The following ABHD17B variants were observed in gnomAD, a reference collection of about 807,000 sequenced individuals.
ABHD17B encodes the protein abhydrolase domain containing 17B, depalmitoylase, also known as alpha/beta hydrolase domain-containing protein 17B.
A neutral mutation model predicts 26.2 loss-of-function variants in ABHD17B; 9 were observed. That is an observed-to-expected ratio of 0.34 (90% CI 0.21 to 0.60). The LOEUF (loss-of-function observed/expected upper bound fraction) is 0.60. ABHD17B is among the 20% of genes least tolerant of loss of function. ABHD17B has a pLI of 0.80. For missense variants in ABHD17B, 224 were observed against 352.1 expected (o/e 0.64, Z 2.91); for synonymous variants, 127 against 122.3 (o/e 1.04, Z -0.25).
Position 71,909,801 on chromosome 9 carries a change from T to C in ABHD17B, c.-4+833A>G, listed in dbSNP as rs372670680. On this transcript the variant is annotated intron_variant, in intron 1 of 3. Coordinates refer to ENST00000333421, the MANE Select transcript of ABHD17B (RefSeq NM_001025780.3). ...CTTACCAAATCTACTTCACACTGAC[T>C]TAAAGCATCATTTACAAAAAATTCT... Among the ~76,000 whole-genome samples, 12 of 152,172 alleles carry C rather than the reference T, an allele frequency of 7.9e-5. No homozygotes were observed. The East Asian group carries it at 2.3e-3, about 29-fold the overall frequency.
chr9:71,890,259 C>CA (rs1826743532), intron 1 of ABHD17B, among the ~76,000 whole-genome samples: 1 of 152,116 alleles, frequency 6.6e-6, no homozygotes, highest in Non-Finnish European at 1.5e-5. Flanking sequence ...CACAGCATTC[C>CA]AGCCTGGGTG....
At chr9:71,880,213 T>C (rs1826399098) in intron 1 of ABHD17B, among the ~76,000 whole-genome samples, 1 of 152,188 alleles carries the variant, frequency 6.6e-6, no homozygotes, top group Admixed American at 6.5e-5. Context: ...ATACTTTCAT[T>C]AAGTGAAGTT....
chr9:71,865,338 C>G lies in ABHD17B; in HGVS notation c.*1449G>C. 6.1e-6 allele frequency: 6 copies of G among 984,136 alleles called. No homozygotes were observed. The highest frequency in any genetic ancestry group is 7.2e-6 in the Non-Finnish European group (6 of 828,414). The allele number at this position is 984,136 out of a possible 1,614,324, so 61.0% of individuals were successfully genotyped here. A position where few individuals can be genotyped will look rare whatever the true frequency, so the allele number is the denominator to read the frequency against. On this transcript the variant is annotated 3_prime_UTR_variant, in exon 4 of 4. Coordinates refer to ENST00000333421, the MANE Select transcript of ABHD17B (RefSeq NM_001025780.3). ...AGTGTGTATTATTTCCATATTCATT[C>G]ATTTACAAATTAGACTACATACCAT...
chr9:71,894,410 A>G (rs1826895603), intron 1 of ABHD17B, among the ~76,000 whole-genome samples: 1 of 152,076 alleles, frequency 6.6e-6, no homozygotes, highest in African/African-American at 2.4e-5. Context: ...CAGTGGCACC[A>G]TTTGGGCTCA....
At chr9:71,898,120 A>C (rs545719082) in intron 1 of ABHD17B, among the ~76,000 whole-genome samples, 51 of 152,284 alleles carry the variant, frequency 3.3e-4, no homozygotes, top group Non-Finnish European at 5.9e-4. Context: ...GGGTCTTTTC[A>C]TCCAATAAAA....
intron 1 of ABHD17B, among the ~76,000 whole-genome samples, chr9:71,905,920 G>T (rs1208339693): frequency 6.6e-6 from 1 of 152,118 alleles, no homozygotes; most frequent in Non-Finnish European, 1.5e-5. Context: ...GGTGGTGCAT[G>T]CCTGTAGTCC....
chr9:71,872,816 T>C (rs1389928308), intron 2 of ABHD17B, among the ~76,000 whole-genome samples: 3 of 152,110 alleles, frequency 2.0e-5, no homozygotes, highest in African/African-American at 7.2e-5. Flanking sequence ...ATTTATCAAT[T>C]AAACAATAAC....
rs773783520 is a variant in ABHD17B, at chr9:71,867,025, G to A, written c.648-19C>T. On this transcript the variant is annotated intron_variant, in intron 3 of 3. Transcript: ENST00000333421. ...GTCAATGCTGCAGGGAAAAAGGAAG[G>A]GGGAAAAATGCAATAAATTAACTAT... The A allele has an allele frequency of 6.8e-6, 11 of 1,611,274 alleles. No individual in the cohort carries two copies. Among genetic ancestry groups the A allele is most frequent in the Middle Eastern group, 3.3e-4 (2 of 6,076 alleles).
At position 71,910,807 on chromosome 9, in the gene ABHD17B, G is replaced by C. The variant is rs925091601; in HGVS notation, c.-177C>G. On this transcript the variant is annotated 5_prime_UTR_variant, in exon 1 of 4. Transcript: ENST00000333421. Reference sequence around the variant, plus strand: ...GACCAGGGCTACAGCCCCCGGCGCCGGGGCGAAGAAGGACGGCGGCGCCCC... The same window carrying C: ...GACCAGGGCTACAGCCCCCGGCGCCCGGGCGAAGAAGGACGGCGGCGCCCC... 7.2e-5 allele frequency: 11 copies of C among 151,796 alleles called. No individual in the cohort carries two copies. Among genetic ancestry groups the C allele is most frequent in the African/African-American group, 2.4e-4 (10 of 41,354 alleles). 9.4% of individuals were successfully genotyped at this position (151,796 alleles called of 1,614,324 possible).
downstream of ABHD17B, among the ~76,000 whole-genome samples, chr9:71,863,564 G>T (rs542063923): frequency 6.6e-6 from 1 of 152,242 alleles, no homozygotes; most frequent in South Asian, 2.1e-4. Context: ...CATCTAGTTC[G>T]ACTTTTCATT....
At chr9:71,877,274 T>C (rs1460107762) in intron 1 of ABHD17B, among the ~76,000 whole-genome samples, 4 of 152,240 alleles carry the variant, frequency 2.6e-5, no homozygotes, top group Admixed American at 6.5e-5. Context: ...GCTGTCTGTT[T>C]AATATCTGTC....
At chr9:71,893,155 A>G (rs1826844080) in intron 1 of ABHD17B, among the ~76,000 whole-genome samples, 1 of 152,324 alleles carries the variant, frequency 6.6e-6, no homozygotes. Context: ...TCACACCACA[A>G]CAATCACCAG....
intron 2 of ABHD17B, among the ~76,000 whole-genome samples, chr9:71,872,429 G>GA (rs1251533050): frequency 6.6e-6 from 1 of 151,714 alleles, no homozygotes; most frequent in Non-Finnish European, 1.5e-5. Flanking sequence ...GAAAAGAAAA[G>GA]AAAAAAACAG....
intron 1 of ABHD17B, among the ~76,000 whole-genome samples, chr9:71,898,740 G>A (rs1031198225): frequency 3.9e-5 from 6 of 152,174 alleles, no homozygotes; most frequent in African/African-American, 1.4e-4. Flanking sequence ...GCTCCCACCT[G>A]CAATCCCAGC....
chr9:71,888,378 CCTCAAA>C (rs906945434), intron 1 of ABHD17B, among the ~76,000 whole-genome samples: 2 of 152,174 alleles, frequency 1.3e-5, no homozygotes, highest in African/African-American at 2.4e-5. Flanking sequence ...TCATGCTTAT[CCTCAAA>C]CTCAAAGTTC....
At chr9:71,881,272 C>T (rs1017557901) in intron 1 of ABHD17B, among the ~76,000 whole-genome samples, 4 of 152,092 alleles carry the variant, frequency 2.6e-5, no homozygotes, top group African/African-American at 7.2e-5. Context: ...GGTGCTAGGG[C>T]AACATAATAT....
chr9:71,862,644 A>C (rs200993765), downstream of ABHD17B: 2 of 910,970 alleles, frequency 2.2e-6, no homozygotes, highest in Middle Eastern at 2.2e-4. Context: ...TCATCTCTGC[A>C]GTTTTCATAA....
chr9:71,883,982 A>C (rs1385310643), intron 1 of ABHD17B, among the ~76,000 whole-genome samples: 1 of 151,954 alleles, frequency 6.6e-6, no homozygotes, highest in Non-Finnish European at 1.5e-5. Flanking sequence ...TTTTGGATGA[A>C]TTCATCATCC....
chr9:71,868,052 C>CAA (rs531749783), intron 3 of ABHD17B, among the ~76,000 whole-genome samples: 19,431 of 131,456 alleles, frequency 0.15, 1,586 homozygotes, highest in African/African-American at 0.19. Flanking sequence ...ACTAAAAATA[C>CAA]AAAAAAAAAA....
Sources: allele counts gnomAD v4.1 joint callset (sites outside exome capture counted in the v4.1 genomes callset), GRCh38; gene constraint gnomAD v4.1.1; transcripts MANE v1.5; gene names NCBI Gene and HGNC (gene_info 2026-07-23, HGNC 2026-07-21).